PLXNA4: variants seen among roughly 807,000 people sequenced by gnomAD.
PLXNA4 encodes plexin A4, also known as plexin-A4.
Under a neutral mutation model 191.8 loss-of-function variants are expected in PLXNA4, and 44 were observed. The observed-to-expected ratio is 0.23, with a 90% CI of 0.18 to 0.29. The LOEUF is 0.29. Ranked by LOEUF, PLXNA4 falls within the 10% of genes least tolerant of loss-of-function variation. The pLI is 1.00. For synonymous variants in PLXNA4, 1,082 were observed against 1,009.5 expected (o/e 1.07, Z -1.36); for missense variants, 1,800 against 2,488.8 (o/e 0.72, Z 5.89).
intron 4 of PLXNA4, among the ~76,000 whole-genome samples, chr7:132,246,677 C>T (rs1230815354): frequency 6.6e-6 from 1 of 152,108 alleles, no homozygotes; most frequent in Non-Finnish European, 1.5e-5. Flanking sequence ...TATCCTTTTG[C>T]CACCAAGGTA....
intron 3 of PLXNA4, among the ~76,000 whole-genome samples, chr7:132,374,932 C>G (rs149838446): frequency 5.6e-4 from 86 of 152,332 alleles, no homozygotes; most frequent in Admixed American, 1.2e-3. Flanking sequence ...GACAAGCTCT[C>G]TGTGTGTTCT....
intron 3 of PLXNA4, among the ~76,000 whole-genome samples, chr7:132,318,570 A>G (rs1368673857): frequency 2.6e-5 from 4 of 151,182 alleles, no homozygotes; most frequent in Non-Finnish European, 5.9e-5. Flanking sequence ...CACAACTTGC[A>G]CATCTTTACC....
At chr7:132,168,244 G>T in intron 22 of PLXNA4, 60 bp downstream of exon 22, 1 of 1,461,426 alleles carries the variant, frequency 6.8e-7, no homozygotes, top group Non-Finnish European at 9.1e-7. Context: ...CTCCCTGCAA[G>T]GCACGGTGAG....
Position 132,373,491 on chromosome 7 carries a change from A to G in PLXNA4, c.1372-75269T>C, listed in dbSNP as rs556705193. Among the ~76,000 whole-genome samples the G allele has an allele frequency of 1.5e-3, 226 of 152,312 alleles. 6 individuals carry two copies. In the South Asian group the frequency reaches 0.043, roughly 29 times the overall value. ...AAGGTTCGATTTTGTGTGTCTGGCCATCAGCTCCTCCTGGACTAAGGGCTG... is the reference window on the plus strand; with the variant it reads ...AAGGTTCGATTTTGTGTGTCTGGCCGTCAGCTCCTCCTGGACTAAGGGCTG... On this transcript the variant is annotated intron_variant, in intron 3 of 31. Coordinates refer to ENST00000321063, the MANE Select transcript of PLXNA4 (RefSeq NM_020911.2).
intron 2 of PLXNA4, among the ~76,000 whole-genome samples, chr7:132,606,013 A>C (rs893428960): frequency 6.6e-6 from 1 of 152,118 alleles, no homozygotes; most frequent in Non-Finnish European, 1.5e-5. Flanking sequence ...AAAATACAAA[A>C]ATCAGCTGAG....
intron 30 of PLXNA4, among the ~76,000 whole-genome samples, chr7:132,133,793 C>T (rs1795036435): frequency 6.6e-6 from 1 of 152,208 alleles, no homozygotes. Context: ...ATTTTATGCA[C>T]CAAACCTCAA....
At chr7:132,401,553 C>T (rs138835331) in intron 3 of PLXNA4, among the ~76,000 whole-genome samples, 5 of 152,212 alleles carry the variant, frequency 3.3e-5, no homozygotes, top group South Asian at 2.1e-4. Flanking sequence ...GCTGAACAGA[C>T]GCATAAGGTT....
chr7:132,351,986 C>A (rs1803507376), intron 3 of PLXNA4, among the ~76,000 whole-genome samples: 1 of 152,208 alleles, frequency 6.6e-6, no homozygotes, highest in South Asian at 2.1e-4. Context: ...GGGCTTTCCA[C>A]TTACAGAGTG....
chr7:132,647,745 TAC>T (rs1224861088), intron 1 of PLXNA4, among the ~76,000 whole-genome samples: 6 of 145,560 alleles, frequency 4.1e-5, no homozygotes, highest in African/African-American at 1.3e-4. Context: ...CACAAGCAAT[TAC>T]ACACATACAT....
chr7:132,179,639 T>C (rs763024787), intron 20 of PLXNA4, 48 bp downstream of exon 20: 2 of 1,591,866 alleles, frequency 1.3e-6, no homozygotes, highest in South Asian at 2.2e-5. Context: ...CACACACATA[T>C]GCACACACGC....
intron 1 of PLXNA4, among the ~76,000 whole-genome samples, chr7:132,565,804 G>T (rs562810824): frequency 6.6e-6 from 1 of 152,284 alleles, no homozygotes; most frequent in South Asian, 2.1e-4. Flanking sequence ...AAGAAGAAAT[G>T]AAGTGGCAAT....
intron 4 of PLXNA4, among the ~76,000 whole-genome samples, chr7:132,274,292 T>C (rs1288595623): frequency 6.6e-6 from 1 of 151,444 alleles, no homozygotes; most frequent in Non-Finnish European, 1.5e-5. Context: ...ATGTATATAT[T>C]TCTATTTTAA....
At chr7:132,400,198 G>A (rs1014410553) in intron 3 of PLXNA4, among the ~76,000 whole-genome samples, 2 of 152,156 alleles carry the variant, frequency 1.3e-5, no homozygotes, top group Non-Finnish European at 2.9e-5. Context: ...GGCACAGAGT[G>A]AATGATCCAT....
intron 3 of PLXNA4, among the ~76,000 whole-genome samples, chr7:132,479,775 G>C (rs528939096): frequency 1.3e-5 from 2 of 152,098 alleles, no homozygotes; most frequent in African/African-American, 4.8e-5. Flanking sequence ...TCAGCCTCTG[G>C]AGTAGCTGGG....
Position 132,217,641 on chromosome 7 carries a change from A to C in PLXNA4, c.2097+5886T>G, listed in dbSNP as rs1798005337. On this transcript the variant is annotated intron_variant, in intron 9 of 31. Coordinates refer to ENST00000321063, the MANE Select transcript of PLXNA4 (RefSeq NM_020911.2). ...TCACCTTCTCAGAACCACAGTGCCC[A>C]ATACAAAAATGTAACGCATCATATA... 7.2e-5 allele frequency among the ~76,000 whole-genome samples: 11 copies of C among 152,188 alleles called. 1 individual carries two copies. The highest frequency in any genetic ancestry group is 7.2e-4 in the Admixed American group (11 of 15,284).
chr7:132,386,374 G>A (rs1411025807), intron 3 of PLXNA4, among the ~76,000 whole-genome samples: 2 of 152,210 alleles, frequency 1.3e-5, no homozygotes, highest in African/African-American at 4.8e-5. Context: ...AACACGGGCG[G>A]GCTCCAGCTG....
intron 4 of PLXNA4, among the ~76,000 whole-genome samples, chr7:132,256,545 G>A (rs1296195443): frequency 6.6e-6 from 1 of 152,160 alleles, no homozygotes; most frequent in Non-Finnish European, 1.5e-5. Context: ...AAGGTGCTAA[G>A]GAGGAGGGAA....
chr7:132,589,550 G>A (rs1006340607), intron 2 of PLXNA4, among the ~76,000 whole-genome samples: 3 of 152,078 alleles, frequency 2.0e-5, no homozygotes, highest in African/African-American at 7.2e-5. Context: ...ATACCCTTGA[G>A]GAAGAAAACC....
intron 2 of PLXNA4, among the ~76,000 whole-genome samples, chr7:132,617,183 T>C (rs1241275861): frequency 2.0e-5 from 3 of 152,196 alleles, no homozygotes. Context: ...GGGCATGGGT[T>C]TGTTCTCTGA....
Sources: allele counts gnomAD v4.1 joint callset (sites outside exome capture counted in the v4.1 genomes callset), GRCh38; gene constraint gnomAD v4.1.1; transcripts MANE v1.5; gene names NCBI Gene and HGNC (gene_info 2026-07-23, HGNC 2026-07-21).